Variants in SLC17A4 observed in about 807,000 individuals in gnomAD.
SLC17A4 encodes solute carrier family 17 member 4.
In SLC17A4, 33 loss-of-function variants were observed where a neutral mutation model predicts 52.5. The ratio of observed to expected loss-of-function variants is 0.63; its 90% CI spans 0.48 to 0.84. SLC17A4 has a LOEUF of 0.84. Ranked by LOEUF, SLC17A4 falls within the 40% of genes least tolerant of loss-of-function variation. SLC17A4 has a pLI of 0.00. For synonymous variants in SLC17A4, 225 were observed against 216.2 expected (o/e 1.04, Z -0.36); for missense variants, 585 against 597.1 (o/e 0.98, Z 0.21).
rs114807307 is a variant in SLC17A4, at chr6:25,772,490, G to A, written c.707-785G>A. Among the ~76,000 whole-genome samples the A allele has an allele frequency of 2.5e-3, 387 of 152,200 alleles. 2 individuals carry two copies. Among genetic ancestry groups the A allele is most frequent in the African/African-American group, 7.1e-3 (293 of 41,526 alleles). On this transcript the variant is annotated intron_variant, in intron 6 of 11. Transcript: ENST00000377905. ...CTAGCCAAACAAAGAGAGCTCATAA[G>A]ATTTCTTAAGATTCTAAAAAGGGAA...
Position 25,770,455 on chromosome 6 carries a change from C to G in SLC17A4, c.603C>G (p.Thr201=), listed in dbSNP as rs1762388923. 1 of 1,614,022 alleles carries G rather than the reference C, an allele frequency of 6.2e-7. No individual in the cohort carries two copies. Among genetic ancestry groups the G allele is most frequent in the South Asian group, 1.1e-5 (1 of 91,064 alleles). The stretch of plus-strand genomic sequence containing the variant: ...CCCCACTGGAAAGGAGTCAACTCAC[C>G]ACCATTGCTGGATCAGGTAACTGGT... ...WAPPLERSQL[T]TIAGSGSMLG... The change falls in exon 5 of 12, where the codon ACC becomes ACG. Residue 201 remains threonine (T), a synonymous_variant. Transcript: ENST00000377905.
chr6:25,774,581 C>G (rs1011202159), intron 8 of SLC17A4, among the ~76,000 whole-genome samples: 3 of 152,170 alleles, frequency 2.0e-5, no homozygotes, highest in African/African-American at 7.2e-5. Flanking sequence ...AGAAATTAAA[C>G]CAGAACCTTA....
chr6:25,764,675 G>A (rs542896030), intron 2 of SLC17A4, among the ~76,000 whole-genome samples: 21 of 152,284 alleles, frequency 1.4e-4, no homozygotes, highest in African/African-American at 5.1e-4. Flanking sequence ...GCTTGGAGTG[G>A]CAGTGTCCAG....
intron 2 of SLC17A4, 83 bp downstream of exon 2, chr6:25,762,136 T>A: frequency 8.3e-7 from 1 of 1,203,460 alleles, no homozygotes; most frequent in Non-Finnish European, 1.2e-6. Flanking sequence ...AAAACTAGGA[T>A]CTGTGGCATC....
chr6:25,765,685 T>TAGC (rs1473035308), intron 2 of SLC17A4, among the ~76,000 whole-genome samples: 5 of 152,220 alleles, frequency 3.3e-5, no homozygotes, highest in Admixed American at 2.6e-4. Context: ...ATGGAATTAG[T>TAGC]AGCAGCAAGG....
intron 2 of SLC17A4, among the ~76,000 whole-genome samples, chr6:25,767,068 A>G (rs1364295839): frequency 6.6e-6 from 1 of 152,204 alleles, no homozygotes; most frequent in East Asian, 1.9e-4. Context: ...GAGGAACTCA[A>G]CAATTCTATA....
At chr6:25,769,318 A>AT in intron 3 of SLC17A4, 128 bp downstream of exon 3, 3 of 875,584 alleles carry the variant, frequency 3.4e-6, no homozygotes, top group East Asian at 2.7e-5. Context: ...GGAATGGCAC[A>AT]AGTACCTAAG....
intron 2 of SLC17A4, chr6:25,768,434 G>A: frequency 1.0e-6 from 1 of 974,616 alleles, no homozygotes; most frequent in Non-Finnish European, 1.2e-6. Context: ...AGCAAATTTT[G>A]TGTAAGCATA....
chr6:25,756,630 G>A (rs1220261289), intron 1 of SLC17A4, among the ~76,000 whole-genome samples: 2 of 152,024 alleles, frequency 1.3e-5, no homozygotes, highest in Admixed American at 6.6e-5. Flanking sequence ...TCTCATTAAC[G>A]CCAGCAAAAC....
intron 1 of SLC17A4, among the ~76,000 whole-genome samples, chr6:25,757,196 G>A (rs752205241): frequency 9.9e-5 from 15 of 152,242 alleles, no homozygotes; most frequent in Admixed American, 9.8e-4. Flanking sequence ...TTACTTACCA[G>A]CTTTAGTGGT....
chr6:25,777,861 C>T (rs1368872401), intron 10 of SLC17A4, 65 bp from the exon 11 acceptor site: 39 of 1,348,272 alleles, frequency 2.9e-5, no homozygotes, highest in Non-Finnish European at 3.9e-5. Flanking sequence ...CTCCCTCTCC[C>T]GGGTATTGAG....
chr6:25,776,246 C>T (rs1330409955), intron 8 of SLC17A4, among the ~76,000 whole-genome samples: 1 of 152,018 alleles, frequency 6.6e-6, no homozygotes, highest in Non-Finnish European at 1.5e-5. Flanking sequence ...AAGTTGGATA[C>T]CTTTTAACAT....
chr6:25,756,539 G>T (rs924272389), intron 1 of SLC17A4, among the ~76,000 whole-genome samples: 1 of 152,024 alleles, frequency 6.6e-6, no homozygotes, highest in African/African-American at 2.4e-5. Flanking sequence ...CTTTCTCGCA[G>T]GTGTACTGTC....
At chr6:25,777,902 T>A in intron 10 of SLC17A4, 24 bp from the exon 11 acceptor site, 1 of 1,576,146 alleles carries the variant, frequency 6.3e-7, no homozygotes, top group Non-Finnish European at 8.7e-7. Flanking sequence ...TTGGTTATAA[T>A]AGAGTACCAT....
intron 2 of SLC17A4, among the ~76,000 whole-genome samples, chr6:25,764,370 C>T (rs1473464544): frequency 1.6e-4 from 25 of 152,210 alleles, no homozygotes; most frequent in South Asian, 2.1e-4. Flanking sequence ...TACTGCCCCC[C>T]ACCATGGGGA....
chr6:25,764,215 G>A (rs916704125), intron 2 of SLC17A4, among the ~76,000 whole-genome samples: 2 of 152,148 alleles, frequency 1.3e-5, no homozygotes, highest in African/African-American at 4.8e-5. Flanking sequence ...CCTCATTTGT[G>A]GAATCTGAAT....
rs776854272 is a variant in SLC17A4, at chr6:25,770,456, A to C, written c.604A>C (p.Thr202Pro). The C allele has an allele frequency of 6.2e-7, 1 of 1,614,036 alleles. No homozygotes were observed. Among genetic ancestry groups the C allele is most frequent in the Non-Finnish European group, 8.5e-7 (1 of 1,179,952 alleles). Residue 202 changes from threonine (T) to proline (P), a missense_variant, in exon 5 of 12, where the codon ACC (threonine) becomes CCC (proline). Physicochemically the swap from Thr to Pro is conservative, Grantham distance 38. Transcript: ENST00000377905. ...APPLERSQLT[T>P]IAGSGSMLGS... ...CCCACTGGAAAGGAGTCAACTCACC[A>C]CCATTGCTGGATCAGGTAACTGGTA...
chr6:25,768,601 T>C (rs1762215773), intron 2 of SLC17A4, among the ~76,000 whole-genome samples: 1 of 152,180 alleles, frequency 6.6e-6, no homozygotes, highest in African/African-American at 2.4e-5. Context: ...GCAGGGAACT[T>C]GGGAGTCATC....
chr6:25,759,286 G>C (rs1265312802), intron 1 of SLC17A4, among the ~76,000 whole-genome samples: 60 of 148,534 alleles, frequency 4.0e-4, no homozygotes, highest in African/African-American at 8.3e-4. Context: ...TTGTTGGGTA[G>C]AGTGTTCTGT....
Sources: gnomAD v4.1 joint callset for allele counts (sites outside exome capture counted in the v4.1 genomes callset) on GRCh38, gnomAD v4.1.1 for gene constraint, MANE v1.5 for transcripts, NCBI Gene and HGNC (gene_info 2026-07-23, HGNC 2026-07-21) for gene names.